BRWD3: variants seen among roughly 807,000 people sequenced by gnomAD.
The protein encoded by BRWD3 is bromodomain and WD repeat-containing protein 3.
BRWD3 carries 10 observed loss-of-function variants against 149.7 expected under a neutral mutation model. That is an observed-to-expected ratio of 0.07 (90% CI 0.04 to 0.11). The LOEUF (loss-of-function observed/expected upper bound fraction) is 0.11. BRWD3 is among the 10% of genes least tolerant of loss of function. BRWD3 has a pLI of 1.00. For synonymous variants in BRWD3, 504 were observed against 456.7 expected, an observed-to-expected ratio of 1.10 and a Z score of -1.32; for missense variants, 940 against 1,373.2, an observed-to-expected ratio of 0.68 and a Z score of 4.99.
At position 80,735,196 on chromosome X, in the gene BRWD3, C is replaced by A. The variant is rs763007623; in HGVS notation, c.916G>T (p.Asp306Tyr). 3.3e-6 allele frequency: 4 copies of A among 1,203,119 alleles called. No individual in the cohort carries two copies. Among genetic ancestry groups the A allele is most frequent in the Non-Finnish European group, 4.5e-6 (4 of 888,148 alleles). The change falls in exon 10 of 41, where the codon GAT (aspartate) becomes TAT (tyrosine). Residue 306 changes from aspartate (D) to tyrosine (Y), a missense_variant and splice_region_variant. By Grantham distance (160) the Asp-to-Tyr change is radical. Coordinates refer to ENST00000373275, the MANE Select transcript of BRWD3 (RefSeq NM_153252.5). Reference protein sequence around the residue: ...QWHVKTMKFRDRPVKFTERSR... With the variant: ...QWHVKTMKFRYRPVKFTERSR... ...CTCTCAGTAAATTTCACCGGGCGAT[C>A]TCTAAAGATAAAAATAAGGTGTTTT... is the stretch of plus-strand genomic sequence containing the variant.
chrX:80,797,149 C>A, intron 4 of BRWD3, among the ~76,000 whole-genome samples: 1 of 112,107 alleles, frequency 8.9e-6, no homozygotes, highest in Non-Finnish European at 1.9e-5. Context: ...AATTAGTACC[C>A]TTAAAATATG....
At chrX:80,756,654 A>G (rs2073743977) in intron 6 of BRWD3, among the ~76,000 whole-genome samples, 1 of 111,286 alleles carries the variant, frequency 9.0e-6, no homozygotes, top group Non-Finnish European at 1.9e-5. Context: ...ATGGTTGATA[A>G]TTGATTATAC....
At chrX:80,796,688 C>T (rs1038489374) in intron 4 of BRWD3, among the ~76,000 whole-genome samples, 3 of 111,601 alleles carry the variant, frequency 2.7e-5, no homozygotes, top group African/African-American at 9.8e-5. Flanking sequence ...CATGATGCTC[C>T]GGAAGAATGG....
At chrX:80,699,104 A>T (rs912904878) in intron 25 of BRWD3, among the ~76,000 whole-genome samples, 3 of 109,823 alleles carry the variant, frequency 2.7e-5, no homozygotes, top group African/African-American at 1.0e-4. Context: ...GATCCCAGCT[A>T]CTCAGGAGGC....
chrX:80,780,037 T>C (rs2147839485), intron 6 of BRWD3, among the ~76,000 whole-genome samples: 1 of 112,051 alleles, frequency 8.9e-6, no homozygotes, highest in South Asian at 3.7e-4. Context: ...TTATATAATT[T>C]GGAATGATAA....
intron 8 of BRWD3, among the ~76,000 whole-genome samples, chrX:80,739,390 G>T (rs1463289424): frequency 9.0e-6 from 1 of 111,485 alleles, no homozygotes; most frequent in Non-Finnish European, 1.9e-5. Flanking sequence ...TCCATGTGAT[G>T]ATGCCAAGAA....
chrX:80,782,902 AAAAT>A (rs939635744), intron 6 of BRWD3, among the ~76,000 whole-genome samples: 1 of 110,727 alleles, frequency 9.0e-6, no homozygotes, highest in African/African-American at 3.3e-5. Flanking sequence ...ACCCTATTTA[AAAAT>A]AAATAAATAA....
Position 80,717,537 on chromosome X carries a change from T to G in BRWD3, c.2231+36A>C, listed in dbSNP as rs183430665. 5.2e-5 allele frequency: 60 copies of G among 1,162,002 alleles called. 1 individual carries two copies. The Admixed American group carries it at 9.9e-4, about 19-fold the overall frequency. On this transcript the variant is annotated intron_variant, in intron 19 of 40. Coordinates refer to ENST00000373275, the MANE Select transcript of BRWD3 (RefSeq NM_153252.5). ...CAATTCACTTCCTAAGAATAAAGCT[T>G]TAAATTTTTTTCTAAATGTTACCTT...
chrX:80,762,216 G>A (rs1280921507), intron 6 of BRWD3, among the ~76,000 whole-genome samples: 1 of 111,408 alleles, frequency 9.0e-6, no homozygotes, highest in Non-Finnish European at 1.9e-5. Flanking sequence ...TTCTCTCTTT[G>A]AACTAGAATC....
Position 80,709,566 on chromosome X carries a change from C to T in BRWD3, c.2337G>A (p.Glu779=), listed in dbSNP as rs1200767534. 7 of 1,206,153 alleles carry T rather than the reference C, an allele frequency of 5.8e-6. No homozygotes were observed. Among genetic ancestry groups the T allele is most frequent in the Non-Finnish European group, 7.8e-6 (7 of 893,383 alleles). ...TGCGTAAAGAACGCCCACAGCTAGG[C>T]TCATAATCATTCTGTAAAAGAGAAG... is the stretch of plus-strand genomic sequence containing the variant. The part of the protein sequence containing the change: ...PSYTTQRNDY[E]PSCGRSLRRT... Residue 779 remains glutamate (E), a synonymous_variant, in exon 21 of 41, where the codon GAG becomes GAA. Coordinates refer to ENST00000373275, the MANE Select transcript of BRWD3 (RefSeq NM_153252.5).
chrX:80,680,643 C>T (rs2072431334), intron 40 of BRWD3, among the ~76,000 whole-genome samples: 1 of 111,213 alleles, frequency 9.0e-6, no homozygotes, highest in Admixed American at 9.6e-5. Context: ...TCAGCCCAGA[C>T]TCATATTTTT....
intron 6 of BRWD3, among the ~76,000 whole-genome samples, chrX:80,770,109 A>T (rs1366367773): frequency 9.0e-6 from 1 of 111,684 alleles, no homozygotes; most frequent in African/African-American, 3.3e-5. Flanking sequence ...GCAATAATTA[A>T]TAGCCTACCA....
In BRWD3 at chrX:80,723,884, T is replaced by G; in HGVS notation, c.1522-8A>C. 1 of 1,209,787 alleles carries G rather than the reference T, an allele frequency of 8.3e-7. No individual in the cohort carries two copies. The highest frequency in any genetic ancestry group is 3.0e-5 in the East Asian group (1 of 33,816). On this transcript the variant is annotated splice_region_variant and splice_polypyrimidine_tract_variant and intron_variant, in intron 15 of 40. Transcript: ENST00000373275. ...ATGGCCTTGGCCTTCAATCTGAAAT[T>G]CAGAGGAGTCTCAAGTCATCTTAAG...
chrX:80,689,833 T>C lies in BRWD3; in HGVS notation c.3742A>G (p.Thr1248Ala), dbSNP rs1298341662. 1 of 1,194,087 alleles carries C rather than the reference T, an allele frequency of 8.4e-7. No homozygotes were observed. Residue 1248 changes from threonine (T) to alanine (A), a missense_variant, in exon 33 of 41, where the codon ACT becomes GCT. Thr to Ala is a moderately conservative substitution (Grantham distance 58, BLOSUM62 0). Around this residue, in one of 6 missense-constraint regions of BRWD3, gnomAD observed 349 missense variants for 419.6 expected, o/e 0.83. Transcript: ENST00000373275. ...TTATTATAAGTATCCAGTATATCAG[T>C]ACAGCTCTGATCCCTAAGAAACAAG... ...LLRFIGDQSC[T>A]DILDTYNKIK...
chrX:80,757,722 A>G (rs144575896), intron 6 of BRWD3, among the ~76,000 whole-genome samples: 154 of 112,438 alleles, frequency 1.4e-3, no homozygotes, highest in African/African-American at 4.8e-3. Flanking sequence ...GATAGACCGT[A>G]CTTCTTAAAT....
At chrX:80,744,306 C>A in intron 7 of BRWD3, 53 bp from the exon 8 acceptor site, 1 of 720,247 alleles carries the variant, frequency 1.4e-6, no homozygotes, top group South Asian at 2.3e-5. Flanking sequence ...TTCACAATAC[C>A]CCCACCCAAA....
At chrX:80,778,648 C>A (rs1039354581) in intron 6 of BRWD3, among the ~76,000 whole-genome samples, 1 of 112,235 alleles carries the variant, frequency 8.9e-6, no homozygotes, top group Non-Finnish European at 1.9e-5. Context: ...CTAAAATAAC[C>A]TTGGATTCGT....
chrX:80,790,902 A>G (rs920403529), intron 6 of BRWD3, among the ~76,000 whole-genome samples: 6 of 109,657 alleles, frequency 5.5e-5, no homozygotes, highest in African/African-American at 1.3e-4. Context: ...CAACTCTTGG[A>G]AAAAAAAAAG....
At chrX:80,704,578 T>G (rs1291916489) in intron 23 of BRWD3, 100 bp downstream of exon 23, 6 of 826,211 alleles carry the variant, frequency 7.3e-6, no homozygotes, top group Non-Finnish European at 1.0e-5. Flanking sequence ...AGATGAAATG[T>G]TATTTTTAGA....
Sources: allele counts gnomAD v4.1 joint callset (sites outside exome capture counted in the v4.1 genomes callset), GRCh38; gene constraint gnomAD v4.1.1; regional missense constraint gnomAD v4.1.1; transcripts MANE v1.5; gene names NCBI Gene and HGNC (gene_info 2026-07-23, HGNC 2026-07-21).